CDH6: variants seen among roughly 807,000 people sequenced by gnomAD.
CDH6 encodes cadherin 6.
CDH6 carries 31 observed loss-of-function variants against 78.0 expected under a neutral mutation model. That is an observed-to-expected ratio of 0.40 (90% confidence interval 0.30 to 0.54). The LOEUF is 0.54. Among genes scored for constraint, CDH6 ranks in the 20% least tolerant of loss-of-function variants. CDH6 has a pLI of 0.56. For synonymous variants in CDH6, 376 were observed against 368.8 expected, an observed-to-expected ratio of 1.02 and a Z score of -0.23; for missense variants, 724 against 975.9, an observed-to-expected ratio of 0.74 and a Z score of 3.44.
intron 4 of CDH6, among the ~76,000 whole-genome samples, chr5:31,297,618 T>G (rs891838468): frequency 6.6e-6 from 1 of 152,130 alleles, no homozygotes; most frequent in Admixed American, 6.5e-5. Context: ...TTCTATGGAG[T>G]AGATTGAGAA....
At chr5:31,299,128 CTG>C (rs1282974551) in intron 4 of CDH6, among the ~76,000 whole-genome samples, 1 of 152,146 alleles carries the variant, frequency 6.6e-6, no homozygotes, top group Non-Finnish European at 1.5e-5. Context: ...TTAGATTCTG[CTG>C]TGTCATCTTA....
intron 1 of CDH6, among the ~76,000 whole-genome samples, chr5:31,243,434 C>G (rs535686467): frequency 2.1e-4 from 32 of 152,156 alleles, no homozygotes; most frequent in Admixed American, 4.6e-4. Flanking sequence ...TTCAGCTCAT[C>G]GGAATCTTCA....
At chr5:31,197,746 T>C (rs1029827223) in intron 1 of CDH6, among the ~76,000 whole-genome samples, 1 of 152,342 alleles carries the variant, frequency 6.6e-6, no homozygotes. Flanking sequence ...TTTTCTTTTC[T>C]TCTTCGTTTT....
intron 10 of CDH6, 42 bp downstream of exon 10, chr5:31,317,534 T>C (rs1219832567): frequency 5.9e-6 from 9 of 1,512,878 alleles, no homozygotes; most frequent in Non-Finnish European, 8.2e-6. Context: ...TCTCCATCTA[T>C]ATCCGTAACT....
intron 1 of CDH6, among the ~76,000 whole-genome samples, chr5:31,234,628 T>G (rs905449187): frequency 1.3e-5 from 2 of 152,182 alleles, no homozygotes; most frequent in African/African-American, 4.8e-5. Context: ...TTTCCACTTC[T>G]TTGCTTCTCT....
At chr5:31,260,463 A>G (rs1742183566) in intron 1 of CDH6, among the ~76,000 whole-genome samples, 2 of 152,178 alleles carry the variant, frequency 1.3e-5, no homozygotes, top group Non-Finnish European at 2.9e-5. Context: ...CTCTGATTTA[A>G]GTTTTGATCC....
At chr5:31,292,828 T>TATATATATATATATATGTGTGC in intron 2 of CDH6, among the ~76,000 whole-genome samples, 1 of 21,818 alleles carries the variant, frequency 4.6e-5, no homozygotes, top group African/African-American at 1.2e-4. Context: ...TGTGCATATA[T>TATATATATATATATATGTGTGC]ATATATATAT....
intron 2 of CDH6, among the ~76,000 whole-genome samples, chr5:31,290,055 G>T (rs1002991275): frequency 1.3e-5 from 2 of 152,046 alleles, no homozygotes; most frequent in Non-Finnish European, 2.9e-5. Flanking sequence ...TCAGGAGTTT[G>T]AGACCAGCCT....
At chr5:31,269,378 G>A (rs1742458431) in intron 2 of CDH6, among the ~76,000 whole-genome samples, 1 of 152,006 alleles carries the variant, frequency 6.6e-6, no homozygotes, top group Non-Finnish European at 1.5e-5. Flanking sequence ...ATATTGCCAT[G>A]GGGAAAAGTT....
intron 1 of CDH6, among the ~76,000 whole-genome samples, chr5:31,243,481 A>G (rs757535587): frequency 2.1e-4 from 32 of 152,218 alleles, no homozygotes; most frequent in Middle Eastern, 6.8e-3. Flanking sequence ...AGTTCTTTCA[A>G]TTTCTACTTG....
chr5:31,271,395 A>G (rs1214384172), intron 2 of CDH6, among the ~76,000 whole-genome samples: 1 of 152,190 alleles, frequency 6.6e-6, no homozygotes, highest in African/African-American at 2.4e-5. Flanking sequence ...AACTGCAGCG[A>G]GACCTTCCTC....
At chr5:31,212,168 G>T (rs1740727190) in intron 1 of CDH6, among the ~76,000 whole-genome samples, 1 of 152,164 alleles carries the variant, frequency 6.6e-6, no homozygotes, top group African/African-American at 2.4e-5. Flanking sequence ...CTTAATCAAG[G>T]TGTTGTGAGG....
At chr5:31,244,822 T>C (rs979513474) in intron 1 of CDH6, among the ~76,000 whole-genome samples, 1 of 152,190 alleles carries the variant, frequency 6.6e-6, no homozygotes. Flanking sequence ...GCAAGGTACT[T>C]ACTATAGGAG....
Position 31,302,198 on chromosome 5 carries a change from A to C in CDH6, c.899A>C (p.Asn300Thr), listed in dbSNP as rs761642274. The change falls in exon 6 of 12, where the codon AAT becomes ACT. Residue 300 changes from asparagine to threonine, a missense_variant. Around this residue, in one of 3 missense-constraint regions of CDH6, gnomAD observed 446 missense variants for 684.5 expected, o/e 0.65. Transcript: ENST00000265071. ...GCCAGCGACGCTGATGTGGGAGAAA[A>C]TGCTGAAATTGAGTACAGCATCACA... ...IKASDADVGE[N>T]AEIEYSITDG... 6.2e-7 allele frequency: 1 copy of C among 1,614,080 alleles called. No homozygotes were observed. Among genetic ancestry groups the C allele is most frequent in the Non-Finnish European group, 8.5e-7 (1 of 1,179,932 alleles).
Position 31,203,131 on chromosome 5 carries a change from A to G in CDH6, c.-129+9245A>G, listed in dbSNP as rs535265707. On this transcript the variant is annotated intron_variant, in intron 1 of 11. Coordinates refer to ENST00000265071, the MANE Select transcript of CDH6 (RefSeq NM_004932.4). Reference sequence around the variant, plus strand: ...CAGTGTTTCATAAAAGATTAATTCTATTAGTGTGGCCTTGTGATAAATATC... The same window carrying G: ...CAGTGTTTCATAAAAGATTAATTCTGTTAGTGTGGCCTTGTGATAAATATC... Among the ~76,000 whole-genome samples, 3 of 152,006 alleles carry G rather than the reference A, an allele frequency of 2.0e-5. No individual in the cohort carries two copies. In the South Asian group the frequency reaches 6.2e-4, roughly 32 times the overall value.
chr5:31,302,008 G>T (rs1234724076), intron 5 of CDH6, 103 bp from the exon 6 acceptor site: 2 of 659,450 alleles, frequency 3.0e-6, no homozygotes, highest in Non-Finnish European at 5.0e-6. Flanking sequence ...ACATCTACCT[G>T]ATGGTAATGT....
At chr5:31,217,955 A>G (rs1740912290) in intron 1 of CDH6, among the ~76,000 whole-genome samples, 1 of 152,212 alleles carries the variant, frequency 6.6e-6, no homozygotes, top group Non-Finnish European at 1.5e-5. Flanking sequence ...GTAAGTACAG[A>G]TGAAGCTAAA....
intron 1 of CDH6, chr5:31,249,103 A>G (rs1175382859): frequency 6.6e-6 from 1 of 152,180 alleles, no homozygotes; most frequent in Non-Finnish European, 1.5e-5. Flanking sequence ...TATACTTCAA[A>G]ACATCATGTA....
intron 2 of CDH6, among the ~76,000 whole-genome samples, chr5:31,272,073 A>G (rs1173649443): frequency 6.6e-6 from 1 of 152,228 alleles, no homozygotes; most frequent in Non-Finnish European, 1.5e-5. Flanking sequence ...AAAGGAGAAG[A>G]GCCAACCAGG....
Sources: allele counts gnomAD v4.1 joint callset (sites outside exome capture counted in the v4.1 genomes callset), GRCh38; gene constraint gnomAD v4.1.1; regional missense constraint gnomAD v4.1.1; transcripts MANE v1.5; gene names NCBI Gene and HGNC (gene_info 2026-07-23, HGNC 2026-07-21).